Variants in FRMPD4 observed in about 807,000 individuals in gnomAD.
The protein encoded by FRMPD4 is FERM and PDZ domain containing 4.
A neutral mutation model predicts 94.1 loss-of-function variants in FRMPD4; 22 were observed. The observed-to-expected ratio is 0.23, with a 90% CI of 0.17 to 0.33. The LOEUF is 0.33. Ranked by LOEUF, FRMPD4 falls within the 10% of genes least tolerant of loss-of-function variation. FRMPD4 has a pLI of 1.00. For missense variants in FRMPD4, 1,111 were observed against 1,339.9 expected (o/e 0.83, Z 2.67); for synonymous variants, 631 against 548.6 (o/e 1.15, Z -2.10).
At chrX:12,208,236 A>G (rs1323063128) in intron 1 of FRMPD4, among the ~76,000 whole-genome samples, 3 of 111,173 alleles carry the variant, frequency 2.7e-5, no homozygotes, top group Admixed American at 9.6e-5. Flanking sequence ...ATAAATTGCT[A>G]GACAGGCAAC....
intron 1 of FRMPD4, among the ~76,000 whole-genome samples, chrX:12,433,163 TG>T (rs2057027654): frequency 8.9e-6 from 1 of 112,422 alleles, no homozygotes; most frequent in East Asian, 2.8e-4. Context: ...TTTATTATCT[TG>T]GAGCCTGTTT....
intron 1 of FRMPD4, among the ~76,000 whole-genome samples, chrX:12,423,217 TGAGA>T (rs1357502792): frequency 9.2e-6 from 1 of 108,186 alleles, no homozygotes; most frequent in Non-Finnish European, 1.9e-5. Flanking sequence ...CCAGCCTGGG[TGAGA>T]GAGTGAGACG....
At chrX:11,979,359 T>C (rs888035012) in intron 3 of FRMPD4, among the ~76,000 whole-genome samples, 2 of 112,391 alleles carry the variant, frequency 1.8e-5, no homozygotes, top group African/African-American at 3.2e-5. Context: ...TTTGTTCTTT[T>C]CTTATGAATA....
intron 3 of FRMPD4, among the ~76,000 whole-genome samples, chrX:12,065,272 T>G: frequency 8.9e-6 from 1 of 112,190 alleles, no homozygotes; most frequent in Non-Finnish European, 1.9e-5. Flanking sequence ...CTGGCCAGGC[T>G]TAGGTGCTGA....
intron 5 of FRMPD4, among the ~76,000 whole-genome samples, chrX:12,679,856 T>C (rs1207930494): frequency 9.0e-6 from 1 of 111,267 alleles, no homozygotes; most frequent in Non-Finnish European, 1.9e-5. Context: ...TATTCTCCCT[T>C]CCTGCCTGCC....
At chrX:12,475,479 A>G (rs1286777998) in intron 1 of FRMPD4, among the ~76,000 whole-genome samples, 1 of 111,533 alleles carries the variant, frequency 9.0e-6, no homozygotes, top group Non-Finnish European at 1.9e-5. Flanking sequence ...CAGGCAGGAG[A>G]AGGAAATAAA....
chrX:12,583,951 C>G (rs1403090168), intron 2 of FRMPD4, among the ~76,000 whole-genome samples: 4 of 111,655 alleles, frequency 3.6e-5, no homozygotes, highest in Admixed American at 1.9e-4. Context: ...CTCACACGTT[C>G]CAAAGGAGGG....
intron 1 of FRMPD4, among the ~76,000 whole-genome samples, chrX:12,452,157 A>T (rs1284587607): frequency 9.0e-6 from 1 of 111,474 alleles, no homozygotes; most frequent in Non-Finnish European, 1.9e-5. Context: ...GATGACTCTG[A>T]CTAAAAAAAG....
chrX:12,475,368 C>T (rs1476058044), intron 1 of FRMPD4, among the ~76,000 whole-genome samples: 1 of 111,753 alleles, frequency 8.9e-6, no homozygotes, highest in African/African-American at 3.3e-5. Context: ...ACTGAATGGG[C>T]AAAAACTGAA....
intron 1 of FRMPD4, among the ~76,000 whole-genome samples, chrX:12,181,277 A>G (rs938829205): frequency 8.9e-6 from 1 of 112,118 alleles, no homozygotes; most frequent in African/African-American, 3.2e-5. Flanking sequence ...AATTCTAGAT[A>G]TTAGAAATAC....
chrX:12,113,892 C>G (rs1363430788), intron 3 of FRMPD4, among the ~76,000 whole-genome samples: 1 of 111,481 alleles, frequency 9.0e-6, no homozygotes, highest in Non-Finnish European at 1.9e-5. Context: ...GCAATTTAAA[C>G]ATTACGATGA....
intron 1 of FRMPD4, among the ~76,000 whole-genome samples, chrX:11,864,711 C>T (rs887053941): frequency 1.8e-5 from 2 of 111,117 alleles, no homozygotes; most frequent in African/African-American, 3.3e-5. Context: ...AGATGCCTTC[C>T]AAAATTGAAA....
chrX:12,345,811 A>C (rs1205894345), intron 1 of FRMPD4, among the ~76,000 whole-genome samples: 1 of 111,913 alleles, frequency 8.9e-6, no homozygotes, highest in East Asian at 2.8e-4. Flanking sequence ...AAAATACAAC[A>C]ATATATGGCG....
chrX:12,421,038 T>C (rs1453950716), intron 1 of FRMPD4, among the ~76,000 whole-genome samples: 2 of 112,319 alleles, frequency 1.8e-5, no homozygotes, highest in African/African-American at 3.2e-5. Flanking sequence ...ATATAGCATT[T>C]ATAGGTGTTC....
intron 1 of FRMPD4, among the ~76,000 whole-genome samples, chrX:12,369,959 T>C (rs893447549): frequency 1.2e-4 from 14 of 112,387 alleles, no homozygotes; most frequent in Non-Finnish European, 2.3e-4. Flanking sequence ...CATACGTATA[T>C]ATGCTTTTTG....
intron 1 of FRMPD4, among the ~76,000 whole-genome samples, chrX:12,278,428 A>G (rs1375839059): frequency 8.9e-6 from 1 of 111,942 alleles, no homozygotes; most frequent in African/African-American, 3.3e-5. Context: ...GATTCCACCT[A>G]TCACTCATTC....
intron 2 of FRMPD4, among the ~76,000 whole-genome samples, chrX:12,540,870 G>A (rs753252229): frequency 2.7e-5 from 3 of 111,598 alleles, no homozygotes; most frequent in South Asian, 7.6e-4. Flanking sequence ...TGTAAAAAAC[G>A]GAAATTATAA....
chrX:12,504,895 T>G (rs1412763675), intron 2 of FRMPD4, among the ~76,000 whole-genome samples: 1 of 112,645 alleles, frequency 8.9e-6, no homozygotes, highest in Non-Finnish European at 1.9e-5. Flanking sequence ...CTCTCCTTAT[T>G]TGTCCAGCAG....
At chrX:12,307,118 T>A (rs1486309854) in intron 1 of FRMPD4, among the ~76,000 whole-genome samples, 2 of 111,760 alleles carry the variant, frequency 1.8e-5, no homozygotes, top group East Asian at 5.6e-4. Context: ...AACTCAGTAG[T>A]GGAAACTTGA....
Sources: gnomAD v4.1 joint callset for allele counts (sites outside exome capture counted in the v4.1 genomes callset) on GRCh38, gnomAD v4.1.1 for gene constraint, MANE v1.5 for transcripts, NCBI Gene and HGNC (gene_info 2026-07-23, HGNC 2026-07-21) for gene names.